ADAMTS17: variants seen among roughly 807,000 people sequenced by gnomAD.
The protein encoded by ADAMTS17 is A disintegrin and metalloproteinase with thrombospondin motifs 17.
A neutral mutation model predicts 141.5 loss-of-function variants in ADAMTS17; 113 were observed. That is an observed-to-expected ratio of 0.80 (90% CI 0.69 to 0.93). The LOEUF (loss-of-function observed/expected upper bound fraction) is 0.93. ADAMTS17 is among the 40% of genes least tolerant of loss of function. The pLI is 0.00. For missense variants in ADAMTS17, 1,659 were observed against 1,517.9 expected, an observed-to-expected ratio of 1.09 and a Z score of -1.54; for synonymous variants, 768 against 630.6, an observed-to-expected ratio of 1.22 and a Z score of -3.27.
At chr15:100,045,825 A>AT (rs1381153738) in intron 18 of ADAMTS17, among the ~76,000 whole-genome samples, 1 of 152,092 alleles carries the variant, frequency 6.6e-6, no homozygotes, top group Non-Finnish European at 1.5e-5. Context: ...ATTCCATGCC[A>AT]TTCTATTCCT....
At chr15:100,264,599 A>G (rs1042393749) in intron 4 of ADAMTS17, among the ~76,000 whole-genome samples, 3 of 152,248 alleles carry the variant, frequency 2.0e-5, no homozygotes, top group African/African-American at 7.2e-5. Flanking sequence ...AAAGACTGCA[A>G]GGAACAGTGC....
At chr15:100,197,214 G>A (rs60083641) in intron 8 of ADAMTS17, among the ~76,000 whole-genome samples, 27,847 of 152,214 alleles carry the variant, frequency 0.18, 2,727 homozygotes, top group East Asian at 0.24. Context: ...GCGCCCACAC[G>A]TATGTGCAAA....
In ADAMTS17 at chr15:100,138,226, G is replaced by C. The variant is rs143019089; in HGVS notation, c.1474-4911C>G. On this transcript the variant is annotated intron_variant, in intron 10 of 21. Coordinates refer to ENST00000268070, the MANE Select transcript of ADAMTS17 (RefSeq NM_139057.4). ...AAACAAATTTAAGTTCTCCTAAAGAGAGCAATTTAGGATCTTAGAATTCCA... is the reference window on the plus strand; with the variant it reads ...AAACAAATTTAAGTTCTCCTAAAGACAGCAATTTAGGATCTTAGAATTCCA... Among the ~76,000 whole-genome samples, 1,377 of 152,298 alleles carry C rather than the reference G, an allele frequency of 9.0e-3. 19 individuals carry two copies. The highest frequency in any genetic ancestry group is 0.021 in the African/African-American group (858 of 41,566).
intron 8 of ADAMTS17, among the ~76,000 whole-genome samples, chr15:100,195,613 CAAAAAAA>C (rs71287815): frequency 3.1e-5 from 2 of 63,646 alleles, no homozygotes; most frequent in African/African-American, 1.2e-4. Flanking sequence ...TGTTTGGTCT[CAAAAAAA>C]AAAAAAAAAA....
intron 3 of ADAMTS17, among the ~76,000 whole-genome samples, chr15:100,329,151 GACTGAGAACC>G (rs1283374575): frequency 2.0e-5 from 3 of 152,100 alleles, no homozygotes; most frequent in Non-Finnish European, 4.4e-5. Flanking sequence ...GTACAGCCAG[GACTGAGAACC>G]ACTGCCGTAG....
intron 15 of ADAMTS17, among the ~76,000 whole-genome samples, chr15:100,078,987 G>A (rs187420038): frequency 3.9e-5 from 6 of 152,334 alleles, no homozygotes; most frequent in African/African-American, 1.4e-4. Context: ...TTAGTCATTA[G>A]GGAAGTGCAA....
intron 13 of ADAMTS17, among the ~76,000 whole-genome samples, chr15:100,111,078 G>A (rs1009728642): frequency 6.6e-6 from 1 of 152,202 alleles, no homozygotes; most frequent in African/African-American, 2.4e-5. Context: ...CTGCCCACGA[G>A]AAGACTGGAG....
At chr15:100,079,257 T>C (rs2034577452) in intron 15 of ADAMTS17, among the ~76,000 whole-genome samples, 1 of 152,230 alleles carries the variant, frequency 6.6e-6, no homozygotes, top group Non-Finnish European at 1.5e-5. Flanking sequence ...CAAAAGTTTA[T>C]ATCAGCATTA....
chr15:100,100,779 T>C (rs62038571), intron 14 of ADAMTS17, among the ~76,000 whole-genome samples: 22,403 of 152,112 alleles, frequency 0.15, 1,981 homozygotes, highest in Middle Eastern at 0.21. Context: ...ATAAGATCTG[T>C]GGCCAAAGAT....
intron 15 of ADAMTS17, among the ~76,000 whole-genome samples, chr15:100,068,142 G>A (rs1340800922): frequency 3.3e-5 from 5 of 152,142 alleles, no homozygotes; most frequent in East Asian, 1.9e-4. Context: ...CACCCACGGA[G>A]CCTCGCTCAT....
intron 4 of ADAMTS17, among the ~76,000 whole-genome samples, chr15:100,263,639 C>T (rs997242217): frequency 1.3e-5 from 2 of 152,162 alleles, no homozygotes; most frequent in African/African-American, 4.8e-5. Context: ...TATGACTCTG[C>T]CGAGTTCCTT....
chr15:100,210,091 G>A (rs914481828), intron 7 of ADAMTS17, among the ~76,000 whole-genome samples: 37 of 151,856 alleles, frequency 2.4e-4, no homozygotes, highest in Non-Finnish European at 4.0e-4. Context: ...AAAATTAGCC[G>A]GGCATAGTGG....
intron 15 of ADAMTS17, among the ~76,000 whole-genome samples, chr15:100,082,378 T>C (rs1277427735): frequency 7.0e-6 from 1 of 142,330 alleles, no homozygotes; most frequent in African/African-American, 2.9e-5. Flanking sequence ...TGCATGGTTT[T>C]GATAGTCTTT....
intron 3 of ADAMTS17, among the ~76,000 whole-genome samples, chr15:100,294,797 G>C (rs992637414): frequency 6.6e-6 from 1 of 152,166 alleles, no homozygotes; most frequent in African/African-American, 2.4e-5. Context: ...TCAGAAACAT[G>C]ATAAAACAAA....
chr15:100,084,581 G>A (rs747834671), intron 15 of ADAMTS17, among the ~76,000 whole-genome samples: 2 of 152,200 alleles, frequency 1.3e-5, no homozygotes, highest in Non-Finnish European at 2.9e-5. Flanking sequence ...AGCCTAAATG[G>A]GAGGCACCCC....
intron 12 of ADAMTS17, among the ~76,000 whole-genome samples, chr15:100,122,649 C>T (rs561240478): frequency 6.6e-6 from 1 of 152,234 alleles, no homozygotes; most frequent in East Asian, 1.9e-4. Context: ...ACATAATTAA[C>T]ATGTTTTGTA....
chr15:99,992,208 A>C (rs886842065), intron 20 of ADAMTS17, among the ~76,000 whole-genome samples: 2 of 152,108 alleles, frequency 1.3e-5, no homozygotes. Context: ...ACTAATTCCA[A>C]CATGTTTAAG....
chr15:100,167,451 G>A (rs565424103), intron 8 of ADAMTS17, among the ~76,000 whole-genome samples: 41 of 152,228 alleles, frequency 2.7e-4, no homozygotes, highest in African/African-American at 7.7e-4. Flanking sequence ...GCCGTCATCC[G>A]TGAAAACCCT....
chr15:100,285,716 G>A lies in ADAMTS17; in HGVS notation c.617-4315C>T, dbSNP rs147562879. Among the ~76,000 whole-genome samples, 64 of 152,318 alleles carry A rather than the reference G, an allele frequency of 4.2e-4. 1 individual carries two copies. The highest frequency in any genetic ancestry group is 1.3e-4 in the Non-Finnish European group (9 of 68,032). On this transcript the variant is annotated intron_variant, in intron 3 of 21. Transcript: ENST00000268070. Reference sequence around the variant, plus strand: ...CATGACCCGCACGAATGCTTGAGCCGGCAGGGAGAGCTGCTGAGAGAGGTG... The same window carrying A: ...CATGACCCGCACGAATGCTTGAGCCAGCAGGGAGAGCTGCTGAGAGAGGTG...
Sources: allele counts gnomAD v4.1 joint callset (sites outside exome capture counted in the v4.1 genomes callset), GRCh38; gene constraint gnomAD v4.1.1; transcripts MANE v1.5; gene names NCBI Gene and HGNC (gene_info 2026-07-23, HGNC 2026-07-21).